The following DPP10 variants were observed in gnomAD, a reference collection of about 807,000 sequenced individuals.
DPP10 encodes inactive dipeptidyl peptidase 10.
Under a neutral mutation model 120.9 loss-of-function variants are expected in DPP10, and 33 were observed. The ratio of observed to expected loss-of-function variants is 0.27; its 90% confidence interval spans 0.21 to 0.37. The LOEUF (loss-of-function observed/expected upper bound fraction) is 0.37. Among genes scored for constraint, DPP10 ranks in the 10% least tolerant of loss-of-function variants. The probability of loss-of-function intolerance (pLI) is 1.00; values close to 1 mark genes in which losing one functional copy is unlikely to be tolerated. For missense variants in DPP10, 816 were observed against 942.8 expected (o/e 0.87, Z 1.76); for synonymous variants, 337 against 326.1 (o/e 1.03, Z -0.36).
chr2:115,030,016 C>T (rs570942472), intron 1 of DPP10, among the ~76,000 whole-genome samples: 18 of 152,246 alleles, frequency 1.2e-4, no homozygotes, highest in African/African-American at 4.1e-4. Flanking sequence ...CAGTACTCTG[C>T]CCTATAAACT....
intron 5 of DPP10, among the ~76,000 whole-genome samples, chr2:115,625,655 T>C (rs1437098329): frequency 6.6e-6 from 1 of 152,154 alleles, no homozygotes; most frequent in African/African-American, 2.4e-5. Context: ...TTTGACATTT[T>C]TGTTTCTACA....
chr2:115,099,910 T>G (rs985697001), intron 1 of DPP10, among the ~76,000 whole-genome samples: 1 of 152,194 alleles, frequency 6.6e-6, no homozygotes, highest in Non-Finnish European at 1.5e-5. Flanking sequence ...ATTACTTGGT[T>G]CAATAAGATC....
In DPP10 at chr2:114,935,238, G is replaced by C. The variant is rs1983373; in HGVS notation, c.61-374001G>C. Among the ~76,000 whole-genome samples, 252 of 151,692 alleles carry C rather than the reference G, an allele frequency of 1.7e-3. 2 individuals carry two copies. The highest frequency in any genetic ancestry group is 6.0e-3 in the African/African-American group (248 of 41,342). The stretch of plus-strand genomic sequence containing the variant: ...ATGAGATACTTGCCCCTTCGTCATC[G>C]TTTCCCTTCTGTTGAAAGCAAACCT... On this transcript the variant is annotated intron_variant, in intron 1 of 25. Coordinates refer to ENST00000410059, the MANE Select transcript of DPP10 (RefSeq NM_020868.6).
chr2:115,255,823 T>G (rs1002060894), intron 1 of DPP10, among the ~76,000 whole-genome samples: 2 of 152,182 alleles, frequency 1.3e-5, no homozygotes, highest in African/African-American at 4.8e-5. Flanking sequence ...GTCAAAACCA[T>G]TCAACAAGTC....
Position 114,932,487 on chromosome 2 carries a change from A to C in DPP10, c.61-376752A>C, listed in dbSNP as rs190034272. Among the ~76,000 whole-genome samples the C allele has an allele frequency of 1.8e-3, 269 of 152,360 alleles. 1 individual carries two copies. The highest frequency in any genetic ancestry group is 3.0e-3 in the Non-Finnish European group (201 of 68,024). On this transcript the variant is annotated intron_variant, in intron 1 of 25. Transcript: ENST00000410059. ...ACCCTAAAAAGAACAAATTTTTTAT[A>C]TGTGAAACAATCTGGGTGAAAATTT... is the stretch of plus-strand genomic sequence containing the variant.
In DPP10 at chr2:115,814,798, A is replaced by G. The variant is rs1188851543; in HGVS notation, c.1706A>G (p.Glu569Gly). The change falls in exon 20 of 26, where the codon GAA (glutamate) becomes GGA (glycine). Residue 569 changes from glutamate (E) to glycine (G), a missense_variant. Physicochemically the swap from Glu to Gly is moderately conservative, Grantham distance 98. Around this residue, in one of 3 missense-constraint regions of DPP10, gnomAD observed 592 missense variants for 649.0 expected, o/e 0.91. Coordinates refer to ENST00000410059, the MANE Select transcript of DPP10 (RefSeq NM_020868.6). ...CAATATGTTGGTATTTGCAGGGATG[A>G]AGAACCAGGAGGCCAGCTGGTTACA... is the stretch of plus-strand genomic sequence containing the variant. Reference protein sequence around the residue: ...NQYALLLIMDEEPGGQLVTDK... With the variant: ...NQYALLLIMDGEPGGQLVTDK... The G allele has an allele frequency of 1.3e-6, 2 of 1,541,540 alleles. No individual in the cohort carries two copies. The highest frequency in any genetic ancestry group is 1.8e-6 in the Non-Finnish European group (2 of 1,129,682).
intron 3 of DPP10, among the ~76,000 whole-genome samples, chr2:115,469,950 G>A (rs1030796165): frequency 2.6e-5 from 4 of 151,046 alleles, no homozygotes; most frequent in Non-Finnish European, 5.9e-5. Flanking sequence ...TAAAATCTGT[G>A]TATTGTATTG....
chr2:114,866,574 G>A (rs1477229615), intron 1 of DPP10, among the ~76,000 whole-genome samples: 7 of 152,134 alleles, frequency 4.6e-5, no homozygotes, highest in African/African-American at 1.7e-4. Context: ...GGCTCTATGA[G>A]GTAAATATTT....
At position 115,610,927 on chromosome 2, in the gene DPP10, C is replaced by T. The variant is rs149678151; in HGVS notation, c.442-78760C>T. Among the ~76,000 whole-genome samples, 490 of 152,144 alleles carry T rather than the reference C, an allele frequency of 3.2e-3. 2 individuals carry two copies. The highest frequency in any genetic ancestry group is 0.011 in the African/African-American group (453 of 41,520). On this transcript the variant is annotated intron_variant, in intron 5 of 25. Coordinates refer to ENST00000410059, the MANE Select transcript of DPP10 (RefSeq NM_020868.6). The stretch of plus-strand genomic sequence containing the variant: ...TTCTTAGTAGACCATTGATATTCTT[C>T]GGCATTTCAGGAAATTAATCCACCC...
At chr2:114,516,505 T>G (rs566206374) in intron 1 of DPP10, among the ~76,000 whole-genome samples, 2 of 152,234 alleles carry the variant, frequency 1.3e-5, no homozygotes, top group Non-Finnish European at 2.9e-5. Context: ...TCTTAGTCTT[T>G]AGCCTTTGGA....
At chr2:115,584,794 C>A (rs552609325) in intron 5 of DPP10, among the ~76,000 whole-genome samples, 2 of 152,132 alleles carry the variant, frequency 1.3e-5, no homozygotes, top group African/African-American at 4.8e-5. Flanking sequence ...ATGGTTCTTA[C>A]TAATGGTACA....
At chr2:114,738,505 G>A (rs1200891869) in intron 1 of DPP10, among the ~76,000 whole-genome samples, 1 of 152,082 alleles carries the variant, frequency 6.6e-6, no homozygotes, top group Admixed American at 6.6e-5. Flanking sequence ...ATAAAGCCTG[G>A]GACACAGAGT....
At position 114,497,347 on chromosome 2, in the gene DPP10, ACACATG is replaced by A. The variant is rs1258623594; in HGVS notation, c.60+54510_60+54515del. On this transcript the variant is annotated intron_variant, in intron 1 of 25. Transcript: ENST00000410059. The stretch of plus-strand genomic sequence containing the variant: ...TACGTGTATACATGTACATATACAT[ACACATG>A]TACATATACATACACATGTACATAT... Among the ~76,000 whole-genome samples the A allele has an allele frequency of 1.2e-3, 39 of 33,298 alleles. 1 individual carries two copies. The highest frequency in any genetic ancestry group is 2.3e-3 in the African/African-American group (37 of 15,904). The allele number at this position is 33,298 out of a possible 152,430, so 21.8% of individuals were successfully genotyped here.
At chr2:114,624,374 CA>C (rs1694328566) in intron 1 of DPP10, among the ~76,000 whole-genome samples, 1 of 151,864 alleles carries the variant, frequency 6.6e-6, no homozygotes. Flanking sequence ...AGGGGATAAT[CA>C]AATTTGTCTT....
intron 1 of DPP10, among the ~76,000 whole-genome samples, chr2:115,000,776 T>C (rs955816065): frequency 1.3e-5 from 2 of 152,204 alleles, no homozygotes; most frequent in Non-Finnish European, 2.9e-5. Flanking sequence ...CCTACCCATA[T>C]GTTGAACGTT....
At chr2:114,535,477 T>A (rs1005960358) in intron 1 of DPP10, among the ~76,000 whole-genome samples, 2 of 152,212 alleles carry the variant, frequency 1.3e-5, no homozygotes, top group Non-Finnish European at 2.9e-5. Context: ...CAAATTCAGA[T>A]GTTCTCTAAA....
chr2:114,550,908 G>A (rs1687833557), intron 1 of DPP10, among the ~76,000 whole-genome samples: 2 of 152,156 alleles, frequency 1.3e-5, no homozygotes, highest in East Asian at 1.9e-4. Context: ...CAGATCAGAC[G>A]AGTTACTTAT....
intron 1 of DPP10, among the ~76,000 whole-genome samples, chr2:114,962,377 CAT>C (rs1169595898): frequency 2.6e-5 from 4 of 152,118 alleles, no homozygotes; most frequent in African/African-American, 9.7e-5. Flanking sequence ...TGGGATCAGA[CAT>C]GTGAAAATTC....
At chr2:114,607,149 T>A (rs1692880801) in intron 1 of DPP10, among the ~76,000 whole-genome samples, 1 of 152,128 alleles carries the variant, frequency 6.6e-6, no homozygotes, top group Admixed American at 6.6e-5. Flanking sequence ...ATCAAACAAA[T>A]AACAGGGTTC....
Sources: gnomAD v4.1 joint callset for allele counts (sites outside exome capture counted in the v4.1 genomes callset) on GRCh38, gnomAD v4.1.1 for gene constraint, gnomAD v4.1.1 regional missense constraint, MANE v1.5 for transcripts, NCBI Gene and HGNC (gene_info 2026-07-23, HGNC 2026-07-21) for gene names.